The following PDE3B variants were observed in gnomAD, a reference collection of about 807,000 sequenced individuals.
PDE3B encodes phosphodiesterase 3B, also known as cGMP-inhibited 3',5'-cyclic phosphodiesterase 3B.
PDE3B carries 66 observed loss-of-function variants against 116.8 expected under a neutral mutation model. That is an observed-to-expected ratio of 0.56 (90% confidence interval 0.46 to 0.69). PDE3B has a LOEUF of 0.69. Ranked by LOEUF, PDE3B falls within the 30% of genes least tolerant of loss-of-function variation. PDE3B has a pLI of 0.00. For synonymous variants in PDE3B, 595 were observed against 533.6 expected, an observed-to-expected ratio of 1.12 and a Z score of -1.59; for missense variants, 1,384 against 1,368.1, an observed-to-expected ratio of 1.01 and a Z score of -0.18.
the PDE3B span, chr11:14,891,164 G>A: frequency 2.0e-6 from 2 of 985,424 alleles, no homozygotes; most frequent in Non-Finnish European, 2.4e-6. Flanking sequence ...CACAAGCGGT[G>A]GTCGCCTTTT....
chr11:14,782,991 A>T (rs1858070152), intron 2 of PDE3B, among the ~76,000 whole-genome samples: 1 of 152,270 alleles, frequency 6.6e-6, no homozygotes, highest in African/African-American at 2.4e-5. Flanking sequence ...ACATTTATGC[A>T]GCCAACAGAC....
At chr11:14,757,372 C>T (rs1223493396) in intron 1 of PDE3B, among the ~76,000 whole-genome samples, 54 of 149,788 alleles carry the variant, frequency 3.6e-4, no homozygotes, top group African/African-American at 1.1e-3. Flanking sequence ...CCTGAGGAAT[C>T]GCCACACTGA....
Position 14,644,820 on chromosome 11 carries a change from T to G in PDE3B, c.745T>G (p.Ser249Ala). 1 of 1,612,064 alleles carries G rather than the reference T, an allele frequency of 6.2e-7. No individual in the cohort carries two copies. The highest frequency in any genetic ancestry group is 1.1e-5 in the South Asian group (1 of 90,886). The change falls in exon 1 of 16, where the codon TCC becomes GCC. Residue 249 changes from serine to alanine, a missense_variant. Transcript: ENST00000282096. ...GCCCTCCGCCCTCAGGCCGCTGCTC[T>G]CCGGCCTGGTGGGGGGCGCTGGCTG... ...SLPSALRPLL[S>A]GLVGGAGCLL...
chr11:14,813,065 C>G (rs1261998472), intron 5 of PDE3B, among the ~76,000 whole-genome samples: 1 of 152,154 alleles, frequency 6.6e-6, no homozygotes. Flanking sequence ...CTGCCAGTGC[C>G]TTGATCTTGC....
At chr11:14,686,844 G>T (rs1854890057) in intron 1 of PDE3B, among the ~76,000 whole-genome samples, 2 of 151,908 alleles carry the variant, frequency 1.3e-5, no homozygotes, top group African/African-American at 4.8e-5. Context: ...ATCCCTAGTA[G>T]CTGGGACTAC....
chr11:14,806,933 A>T (rs2133937975), intron 5 of PDE3B, among the ~76,000 whole-genome samples: 1 of 152,234 alleles, frequency 6.6e-6, no homozygotes, highest in East Asian at 1.9e-4. Flanking sequence ...TGCAGCCATA[A>T]AAAAGGATGA....
intron 1 of PDE3B, among the ~76,000 whole-genome samples, chr11:14,695,225 C>T (rs1331885948): frequency 6.6e-6 from 1 of 152,166 alleles, no homozygotes; most frequent in Non-Finnish European, 1.5e-5. Context: ...TATCTGGCTT[C>T]ATTTGCTGAA....
chr11:14,745,785 T>C (rs951820258), intron 1 of PDE3B, among the ~76,000 whole-genome samples: 3 of 152,186 alleles, frequency 2.0e-5, no homozygotes, highest in African/African-American at 7.2e-5. Flanking sequence ...GTTTAGCCTG[T>C]TTGACAGGAA....
At chr11:14,670,550 A>G (rs1012159092) in intron 1 of PDE3B, among the ~76,000 whole-genome samples, 1 of 152,170 alleles carries the variant, frequency 6.6e-6, no homozygotes, top group Non-Finnish European at 1.5e-5. Flanking sequence ...TTTAATAGTT[A>G]TAGAGTTGCT....
chr11:14,735,794 G>A lies in PDE3B; in HGVS notation c.979-36143G>A, dbSNP rs558456258. Among the ~76,000 whole-genome samples, 44 of 152,192 alleles carry A rather than the reference G, an allele frequency of 2.9e-4. No homozygotes were observed. The South Asian group carries it at 8.9e-3, about 31-fold the overall frequency. The stretch of plus-strand genomic sequence containing the variant: ...AATATAAAGGTATGCTGGCTTTTAG[G>A]GTACACATTCAAGGTTTGGTAGGGA... On this transcript the variant is annotated intron_variant, in intron 1 of 15. Coordinates refer to ENST00000282096, the MANE Select transcript of PDE3B (RefSeq NM_000922.4).
intron 1 of PDE3B, among the ~76,000 whole-genome samples, chr11:14,657,203 T>C (rs1382561352): frequency 6.6e-6 from 1 of 152,198 alleles, no homozygotes; most frequent in Non-Finnish European, 1.5e-5. Flanking sequence ...GTCAAACAAA[T>C]GTCTTTACCC....
intron 1 of PDE3B, among the ~76,000 whole-genome samples, chr11:14,665,705 C>T (rs1019941468): frequency 3.9e-5 from 6 of 152,090 alleles, no homozygotes; most frequent in African/African-American, 1.4e-4. Context: ...GAATAAAATA[C>T]CTAGGAATCC....
At chr11:14,727,501 A>G (rs1856341867) in intron 1 of PDE3B, among the ~76,000 whole-genome samples, 1 of 152,146 alleles carries the variant, frequency 6.6e-6, no homozygotes, top group African/African-American at 2.4e-5. Context: ...TTAAGTTAAC[A>G]AAGTAAATGT....
At chr11:14,692,548 C>A (rs1855072864) in intron 1 of PDE3B, among the ~76,000 whole-genome samples, 1 of 152,060 alleles carries the variant, frequency 6.6e-6, no homozygotes, top group South Asian at 2.1e-4. Flanking sequence ...TTTGGTAATT[C>A]TTGCGAAAAA....
intron 1 of PDE3B, among the ~76,000 whole-genome samples, chr11:14,735,532 C>T (rs1342240814): frequency 6.6e-6 from 1 of 152,066 alleles, no homozygotes; most frequent in African/African-American, 2.4e-5. Context: ...AAGAAAACAC[C>T]TCATTGGCAC....
intron 7 of PDE3B, among the ~76,000 whole-genome samples, chr11:14,820,371 T>G (rs1242039271): frequency 6.6e-6 from 1 of 152,058 alleles, no homozygotes. Flanking sequence ...AGATCATATA[T>G]TATATGATTA....
At chr11:14,829,140 C>G (rs1004707503) in intron 7 of PDE3B, among the ~76,000 whole-genome samples, 18 of 152,002 alleles carry the variant, frequency 1.2e-4, no homozygotes, top group Admixed American at 3.3e-4. Flanking sequence ...ACAACACACA[C>G]TGGGGCCTGT....
intron 1 of PDE3B, among the ~76,000 whole-genome samples, chr11:14,686,950 T>C (rs992935869): frequency 7.2e-5 from 11 of 152,198 alleles, no homozygotes; most frequent in African/African-American, 2.4e-4. Context: ...CCTGACCTTG[T>C]GATCCACCTG....
intron 1 of PDE3B, among the ~76,000 whole-genome samples, chr11:14,750,702 C>T (rs1241710111): frequency 6.6e-6 from 1 of 152,056 alleles, no homozygotes; most frequent in African/African-American, 2.4e-5. Context: ...ATAGGCTTTA[C>T]TAGACTGCAA....
Sources: allele counts gnomAD v4.1 joint callset (sites outside exome capture counted in the v4.1 genomes callset), GRCh38; gene constraint gnomAD v4.1.1; transcripts MANE v1.5; gene names NCBI Gene and HGNC (gene_info 2026-07-23, HGNC 2026-07-21).